Variants in GRID2 observed in about 807,000 individuals in gnomAD.
GRID2 encodes the protein glutamate ionotropic receptor delta type subunit 2.
Under a neutral mutation model 114.8 loss-of-function variants are expected in GRID2, and 33 were observed. The ratio of observed to expected loss-of-function variants is 0.29; its 90% CI spans 0.22 to 0.38. GRID2 has a LOEUF of 0.38. Ranked by LOEUF, GRID2 falls within the 10% of genes least tolerant of loss-of-function variation. GRID2 has a pLI of 1.00. For missense variants in GRID2, 1,184 were observed against 1,257.7 expected (o/e 0.94, Z 0.89); for synonymous variants, 505 against 449.9 (o/e 1.12, Z -1.55).
At chr4:93,108,680 G>T (rs1254313099) in intron 3 of GRID2, among the ~76,000 whole-genome samples, 1 of 150,774 alleles carries the variant, frequency 6.6e-6, no homozygotes, top group Non-Finnish European at 1.5e-5. Flanking sequence ...ACCCAGGCTG[G>T]AGTGCAGTGG....
At chr4:93,593,776 A>G (rs1283294643) in intron 13 of GRID2, among the ~76,000 whole-genome samples, 2 of 151,592 alleles carry the variant, frequency 1.3e-5, no homozygotes, top group Non-Finnish European at 2.9e-5. Context: ...TTTTCTCTAA[A>G]CTTTCCTTCT....
At chr4:93,441,107 T>C (rs532633840) in intron 10 of GRID2, among the ~76,000 whole-genome samples, 2 of 152,222 alleles carry the variant, frequency 1.3e-5, no homozygotes, top group South Asian at 4.1e-4. Context: ...AACTTAAGGA[T>C]AGATAAATCC....
At chr4:93,205,687 TG>T (rs1481464759) in intron 4 of GRID2, among the ~76,000 whole-genome samples, 1 of 152,142 alleles carries the variant, frequency 6.6e-6, no homozygotes, top group Non-Finnish European at 1.5e-5. Context: ...ATGGGATGGC[TG>T]GGTCAAATGG....
chr4:93,594,899 G>A (rs529663493), intron 13 of GRID2, among the ~76,000 whole-genome samples: 4 of 152,164 alleles, frequency 2.6e-5, no homozygotes, highest in South Asian at 2.1e-4. Context: ...GCAATGCCTC[G>A]CCCTGCTTCG....
At chr4:93,380,893 A>G (rs1381989737) in intron 8 of GRID2, among the ~76,000 whole-genome samples, 1 of 152,070 alleles carries the variant, frequency 6.6e-6, no homozygotes, top group Admixed American at 6.6e-5. Flanking sequence ...TCTGTTCTAC[A>G]TGGCGCTCAC....
chr4:92,621,980 T>G (rs1013550931), intron 2 of GRID2, among the ~76,000 whole-genome samples: 2 of 151,772 alleles, frequency 1.3e-5, no homozygotes, highest in Admixed American at 1.3e-4. Context: ...TGTTAAACAT[T>G]GAACTATTGA....
chr4:92,940,550 G>A (rs549221178), intron 2 of GRID2, among the ~76,000 whole-genome samples: 1 of 152,062 alleles, frequency 6.6e-6, no homozygotes, highest in Non-Finnish European at 1.5e-5. Flanking sequence ...CTAATTGAAT[G>A]CCCTTTATTT....
chr4:92,393,488 A>T lies in GRID2; in HGVS notation c.88+88744A>T, dbSNP rs1730347076. Among the ~76,000 whole-genome samples, 4 of 152,288 alleles carry T rather than the reference A, an allele frequency of 2.6e-5. No individual in the cohort carries two copies. The South Asian group carries it at 8.3e-4, about 32-fold the overall frequency. Reference sequence around the variant, plus strand: ...ACTCAACCTACATATACTCTGAACAAATCTGAATATAGTTGGATTTAGAAA... The same window carrying T: ...ACTCAACCTACATATACTCTGAACATATCTGAATATAGTTGGATTTAGAAA... On this transcript the variant is annotated intron_variant, in intron 1 of 15. Coordinates refer to ENST00000282020, the MANE Select transcript of GRID2 (RefSeq NM_001510.4).
intron 13 of GRID2, among the ~76,000 whole-genome samples, chr4:93,578,585 G>GTTTTTTT (rs1736642083): frequency 5.2e-5 from 6 of 115,254 alleles, no homozygotes; most frequent in African/African-American, 2.3e-4. Context: ...CTTGTTTTTT[G>GTTTTTTT]TATTTTTTTT....
At chr4:93,131,301 T>C (rs1361719164) in intron 4 of GRID2, among the ~76,000 whole-genome samples, 2 of 151,408 alleles carry the variant, frequency 1.3e-5, no homozygotes, top group African/African-American at 4.9e-5. Context: ...CTACAGGCAC[T>C]CGCTTCCATG....
intron 2 of GRID2, among the ~76,000 whole-genome samples, chr4:92,913,499 G>C (rs2100561): frequency 0.57 from 86,446 of 151,584 alleles, 25,897 homozygotes; most frequent in Middle Eastern, 0.75. Context: ...AACTCCCTCT[G>C]TTTTATATTT....
intron 2 of GRID2, among the ~76,000 whole-genome samples, chr4:92,800,585 C>T (rs957746194): frequency 1.3e-5 from 2 of 151,940 alleles, no homozygotes; most frequent in Admixed American, 6.6e-5. Flanking sequence ...TACATTACTG[C>T]TGTTTACAGC....
At chr4:93,105,819 C>T (rs994278232) in intron 3 of GRID2, among the ~76,000 whole-genome samples, 1 of 152,148 alleles carries the variant, frequency 6.6e-6, no homozygotes, top group Non-Finnish European at 1.5e-5. Context: ...ACTGTGATTA[C>T]ACTAGAGCCA....
chr4:93,434,540 G>C (rs1031311621), intron 10 of GRID2, among the ~76,000 whole-genome samples: 1 of 151,852 alleles, frequency 6.6e-6, no homozygotes, highest in African/African-American at 2.4e-5. Flanking sequence ...AGCCACAGCA[G>C]CAGAAAACAA....
At chr4:92,879,087 TA>T (rs1437761237) in intron 2 of GRID2, among the ~76,000 whole-genome samples, 2 of 152,226 alleles carry the variant, frequency 1.3e-5, no homozygotes, top group Admixed American at 6.5e-5. Context: ...GAATTGTATG[TA>T]TATTCTATTT....
At chr4:93,538,217 G>C (rs894444306) in intron 13 of GRID2, among the ~76,000 whole-genome samples, 1 of 151,554 alleles carries the variant, frequency 6.6e-6, no homozygotes, top group African/African-American at 2.4e-5. Context: ...TTTCATTCCA[G>C]AAAATAAGAA....
intron 2 of GRID2, among the ~76,000 whole-genome samples, chr4:92,915,779 C>G (rs550899356): frequency 6.6e-6 from 1 of 152,222 alleles, no homozygotes; most frequent in Admixed American, 6.6e-5. Context: ...GAGATGGTAT[C>G]TCATTCTGGT....
At chr4:93,351,537 A>C (rs1051492206) in intron 8 of GRID2, among the ~76,000 whole-genome samples, 1 of 152,038 alleles carries the variant, frequency 6.6e-6, no homozygotes, top group Non-Finnish European at 1.5e-5. Flanking sequence ...TGTTATGGGC[A>C]TTATTCTCTA....
At chr4:93,760,787 G>T (rs1256354323) in intron 14 of GRID2, among the ~76,000 whole-genome samples, 1 of 152,126 alleles carries the variant, frequency 6.6e-6, no homozygotes, top group Non-Finnish European at 1.5e-5. Context: ...TCAGTTCATT[G>T]TCTTACCCGT....
Sources: gnomAD v4.1 joint callset for allele counts (sites outside exome capture counted in the v4.1 genomes callset) on GRCh38, gnomAD v4.1.1 for gene constraint, MANE v1.5 for transcripts, NCBI Gene and HGNC (gene_info 2026-07-23, HGNC 2026-07-21) for gene names.